The following WNK2 variants were observed in gnomAD, a reference collection of about 807,000 sequenced individuals.
The protein encoded by WNK2 is WNK lysine deficient protein kinase 2, also known as serine/threonine-protein kinase WNK2.
Under a neutral mutation model 192.1 loss-of-function variants are expected in WNK2, and 67 were observed. The observed-to-expected ratio is 0.35, with a 90% confidence interval of 0.29 to 0.43. The LOEUF is 0.43. Ranked by LOEUF, WNK2 falls within the 20% of genes least tolerant of loss-of-function variation. WNK2 has a pLI of 1.00. For synonymous variants in WNK2, 1,439 were observed against 1,393.9 expected, an observed-to-expected ratio of 1.03 and a Z score of -0.72; for missense variants, 2,698 against 3,089.7, an observed-to-expected ratio of 0.87 and a Z score of 3.01.
intron 2 of WNK2, among the ~76,000 whole-genome samples, chr9:93,223,101 G>C (rs549594015): frequency 1.3e-5 from 2 of 152,242 alleles, no homozygotes; most frequent in African/African-American, 4.8e-5. Flanking sequence ...TAAAGGAAGT[G>C]AGTTTGTTTT....
chr9:93,262,051 C>T lies in WNK2; in HGVS notation c.3304C>T (p.Pro1102Ser). 6.2e-7 allele frequency: 1 copy of T among 1,609,906 alleles called. No homozygotes were observed. Among genetic ancestry groups the T allele is most frequent in the Non-Finnish European group, 8.5e-7 (1 of 1,177,978 alleles). Residue 1102 changes from proline to serine, a missense_variant, in exon 13 of 30, where the codon CCC (proline) becomes TCC (serine). By Grantham distance (74) the Pro-to-Ser change is moderately conservative. Transcript: ENST00000427277. The stretch of plus-strand genomic sequence containing the variant: ...AGCAAACCCACCGCTGCCTGGCGGG[C>T]CCGGGATCGCCAGCCCTTGCCCAAC... ...PPANPPLPGG[P>S]GIASPCPTVQ... is the part of the protein sequence containing the mutation.
chr9:93,211,222 C>CCACT (rs1240728684), intron 2 of WNK2, among the ~76,000 whole-genome samples: 1 of 7,098 alleles, frequency 1.4e-4, no homozygotes, highest in African/African-American at 5.9e-4. Flanking sequence ...AATCACTCAT[C>CCACT]CACTCACTCA....
chr9:93,238,384 ATTGAG>A, intron 6 of WNK2, 63 bp downstream of exon 6: 1 of 1,486,590 alleles, frequency 6.7e-7, no homozygotes, highest in Non-Finnish European at 9.4e-7. Flanking sequence ...TCCAGCTTGC[ATTGAG>A]AGCTGTGTTC....
intron 29 of WNK2, chr9:93,318,408 G>A: frequency 3.7e-6 from 6 of 1,614,100 alleles, no homozygotes; most frequent in Non-Finnish European, 5.1e-6. Flanking sequence ...TCATCCAGGG[G>A]CTGAGAGACG....
chr9:93,297,370 A>G (rs567621164), intron 23 of WNK2, among the ~76,000 whole-genome samples: 62 of 152,178 alleles, frequency 4.1e-4, no homozygotes, highest in Non-Finnish European at 8.2e-4. Context: ...GGCCCCTGGA[A>G]GTCAGTGAGC....
chr9:93,262,551 C>T (rs1241089611), intron 13 of WNK2, 119 bp from the exon 14 acceptor site: 30 of 1,087,000 alleles, frequency 2.8e-5, no homozygotes, highest in East Asian at 1.0e-4. Flanking sequence ...AGCAGGAGAA[C>T]GCAGCGGGGC....
At position 93,241,974 on chromosome 9, in the gene WNK2, C is replaced by T. The variant is rs1454644906; in HGVS notation, c.1542+1998C>T. On this transcript the variant is annotated intron_variant, in intron 7 of 29. Coordinates refer to ENST00000427277, the MANE Select transcript of WNK2 (RefSeq NM_006648.4). ...AGCTAAGGTCCTGCTGGGGTCTTGG[C>T]ACGCTTCCTGCTGCTCCTAACCTCA... Among the ~76,000 whole-genome samples, 3 of 152,162 alleles carry T rather than the reference C, an allele frequency of 2.0e-5. No individual in the cohort carries two copies. In the South Asian group the frequency reaches 6.2e-4, roughly 31 times the overall value.
chr9:93,223,786 G>A (rs1027241106), intron 2 of WNK2, among the ~76,000 whole-genome samples: 7 of 152,226 alleles, frequency 4.6e-5, no homozygotes, highest in South Asian at 4.1e-4. Flanking sequence ...CCAGGAGGGC[G>A]TGGAGTGTGT....
intron 4 of WNK2, among the ~76,000 whole-genome samples, chr9:93,231,892 A>AGT (rs1838880622): frequency 6.6e-6 from 1 of 152,176 alleles, no homozygotes; most frequent in Non-Finnish European, 1.5e-5. Context: ...GTGGGTGTGA[A>AGT]GTGTCCACTG....
At chr9:93,291,138 G>A (rs1048972493) in intron 21 of WNK2, among the ~76,000 whole-genome samples, 2 of 152,202 alleles carry the variant, frequency 1.3e-5, no homozygotes, top group African/African-American at 4.8e-5. Context: ...GAAGATAAGG[G>A]ACAGGGCAGA....
At chr9:93,217,204 G>A (rs2131685058) in intron 2 of WNK2, among the ~76,000 whole-genome samples, 1 of 152,268 alleles carries the variant, frequency 6.6e-6, no homozygotes, top group East Asian at 1.9e-4. Flanking sequence ...TGATCCGCCT[G>A]CCTCGGCCTC....
chr9:93,306,215 G>T (rs766671260), intron 26 of WNK2, among the ~76,000 whole-genome samples: 1 of 152,110 alleles, frequency 6.6e-6, no homozygotes. Context: ...AGAAACCCTC[G>T]AGTCCCCTAC....
chr9:93,265,767 G>C (rs921418433), intron 16 of WNK2, among the ~76,000 whole-genome samples: 1 of 152,266 alleles, frequency 6.6e-6, no homozygotes, highest in African/African-American at 2.4e-5. Context: ...CGAGCAGGAA[G>C]CCACACATGC....
Position 93,289,029 on chromosome 9 carries a change from G to T in WNK2, c.4275G>T (p.Gly1425=). Residue 1425 remains glycine, a synonymous_variant, in exon 20 of 30, where the codon GGG becomes GGT. Coordinates refer to ENST00000427277, the MANE Select transcript of WNK2 (RefSeq NM_006648.4). ...SQAGGPGTPQ[G]LTSELETSQP... is the part of the protein sequence containing the mutation. ...CAGGGGGTCCAGGGACACCTCAGGGGCTGACCAGTGAGCTCGAGACGTCTC... is the reference window on the plus strand; with the variant it reads ...CAGGGGGTCCAGGGACACCTCAGGGTCTGACCAGTGAGCTCGAGACGTCTC... 1 of 1,604,648 alleles carries T rather than the reference G, an allele frequency of 6.2e-7. No individual in the cohort carries two copies. Among genetic ancestry groups the T allele is most frequent in the Non-Finnish European group, 8.5e-7 (1 of 1,175,962 alleles).
At position 93,257,040 on chromosome 9, in the gene WNK2, G is replaced by T. The variant is rs780585299; in HGVS notation, c.2283G>T (p.Pro761=). Residue 761 remains proline, a synonymous_variant, in exon 11 of 30, where the codon CCG becomes CCT. Transcript: ENST00000427277. The surrounding 1 kb of genome is among the most constrained non-coding windows in gnomAD (Gnocchi z 4.7). ...PLQPVPPHLP[P]YLAPASQVGA... is the part of the protein sequence containing the mutation. ...AGCCGGTTCCCCCCCACCTGCCACC[G>T]TACCTGGCTCCAGCCTCCCAGGTGG... 1.9e-6 allele frequency: 3 copies of T among 1,604,044 alleles called. No individual in the cohort carries two copies. The highest frequency in any genetic ancestry group is 2.2e-5 in the South Asian group (2 of 90,434).
At chr9:93,196,287 G>A (rs1195724629) in intron 2 of WNK2, among the ~76,000 whole-genome samples, 2 of 152,136 alleles carry the variant, frequency 1.3e-5, no homozygotes, top group African/African-American at 2.4e-5. Flanking sequence ...GCTCTCCGGT[G>A]GGGGAGATGG....
intron 28 of WNK2, among the ~76,000 whole-genome samples, chr9:93,311,517 C>G (rs902232962): frequency 6.6e-6 from 1 of 152,158 alleles, no homozygotes; most frequent in Non-Finnish European, 1.5e-5. Flanking sequence ...TTTTCAGTAA[C>G]AGCTATACCA....
intron 2 of WNK2, among the ~76,000 whole-genome samples, chr9:93,201,285 C>T (rs182121967): frequency 6.6e-5 from 10 of 152,326 alleles, no homozygotes; most frequent in Admixed American, 3.9e-4. Context: ...GAGACTGTTC[C>T]GAGCAAGGCT....
At chr9:93,261,396 C>T (rs1397761974) in intron 12 of WNK2, among the ~76,000 whole-genome samples, 3 of 152,198 alleles carry the variant, frequency 2.0e-5, no homozygotes, top group Non-Finnish European at 1.5e-5. Flanking sequence ...AGTCGCCCTC[C>T]AGGAGGCGGC....
Sources: gnomAD v4.1 joint callset for allele counts (sites outside exome capture counted in the v4.1 genomes callset) on GRCh38, gnomAD v4.1.1 for gene constraint, Gnocchi (gnomAD v3.1) non-coding constraint, MANE v1.5 for transcripts, NCBI Gene and HGNC (gene_info 2026-07-23, HGNC 2026-07-21) for gene names.